FHIT: variants seen among roughly 807,000 people sequenced by gnomAD.
The protein encoded by FHIT is fragile histidine triad diadenosine triphosphatase.
Under a neutral mutation model 17.9 loss-of-function variants are expected in FHIT, and 19 were observed. That is an observed-to-expected ratio of 1.06 (90% CI 0.74 to 1.56). FHIT has a LOEUF of 1.56. FHIT is among the 40% of genes most tolerant of loss of function. The pLI, the probability that FHIT is intolerant of heterozygous loss-of-function variation, is 0.00. For synonymous variants in FHIT, 81 were observed against 69.7 expected (o/e 1.16, Z -0.81); for missense variants, 248 against 189.2 (o/e 1.31, Z -1.82).
chr3:60,416,914 G>A (rs1003118351), intron 5 of FHIT, among the ~76,000 whole-genome samples: 3 of 151,838 alleles, frequency 2.0e-5, no homozygotes, highest in African/African-American at 7.3e-5. Flanking sequence ...GTAAAACCCC[G>A]TCTCTACTAA....
intron 5 of FHIT, among the ~76,000 whole-genome samples, chr3:60,305,957 C>A (rs941731817): frequency 5.5e-4 from 83 of 152,158 alleles, no homozygotes; most frequent in African/African-American, 1.9e-3. Context: ...TACCTTAATT[C>A]TTAATGTTTA....
intron 5 of FHIT, among the ~76,000 whole-genome samples, chr3:60,116,257 AG>A (rs1353295248): frequency 6.6e-6 from 1 of 152,224 alleles, no homozygotes; most frequent in African/African-American, 2.4e-5. Flanking sequence ...AAACAAAAAA[AG>A]CATGAGAATT....
At chr3:60,922,139 G>A (rs1553768556) in intron 3 of FHIT, among the ~76,000 whole-genome samples, 1 of 152,152 alleles carries the variant, frequency 6.6e-6, no homozygotes, top group African/African-American at 2.4e-5. Flanking sequence ...CACCTGCCAT[G>A]GTGGGGTCTC....
chr3:60,065,784 C>A (rs1017538314), intron 5 of FHIT, among the ~76,000 whole-genome samples: 1 of 152,184 alleles, frequency 6.6e-6, no homozygotes, highest in Non-Finnish European at 1.5e-5. Flanking sequence ...CCATGGCCAA[C>A]TACTCATTCT....
intron 5 of FHIT, among the ~76,000 whole-genome samples, chr3:60,436,559 A>G (rs918243136): frequency 8.7e-6 from 1 of 115,364 alleles, no homozygotes; most frequent in Non-Finnish European, 2.2e-5. Flanking sequence ...TTCTTCACCA[A>G]TGTAAAGGAA....
intron 2 of FHIT, among the ~76,000 whole-genome samples, chr3:61,158,746 C>G (rs1438260804): frequency 6.6e-6 from 1 of 152,150 alleles, no homozygotes; most frequent in African/African-American, 2.4e-5. Flanking sequence ...CTACAAGAAC[C>G]CAAAGAATGA....
At chr3:60,599,293 G>A (rs1297170647) in intron 4 of FHIT, among the ~76,000 whole-genome samples, 1 of 152,130 alleles carries the variant, frequency 6.6e-6, no homozygotes, top group Non-Finnish European at 1.5e-5. Flanking sequence ...CTGCAGTCTA[G>A]AGAGATTAGG....
chr3:60,812,017 C>G (rs782234341), intron 4 of FHIT, among the ~76,000 whole-genome samples: 13 of 152,044 alleles, frequency 8.6e-5, no homozygotes, highest in African/African-American at 1.2e-4. Context: ...TCATTTATCC[C>G]TCCAAACTTC....
intron 8 of FHIT, among the ~76,000 whole-genome samples, chr3:59,852,974 A>C (rs918996887): frequency 6.6e-6 from 1 of 152,150 alleles, no homozygotes; most frequent in Non-Finnish European, 1.5e-5. Flanking sequence ...TAAGGATAAG[A>C]CTGCTATGAA....
At chr3:60,958,030 C>T (rs1709251421) in intron 3 of FHIT, among the ~76,000 whole-genome samples, 3 of 152,106 alleles carry the variant, frequency 2.0e-5, no homozygotes. Flanking sequence ...CTTTTGTACG[C>T]ACTTAAAAAT....
chr3:60,126,367 G>C (rs1408875868), intron 5 of FHIT, among the ~76,000 whole-genome samples: 1 of 152,164 alleles, frequency 6.6e-6, no homozygotes, highest in Non-Finnish European at 1.5e-5. Flanking sequence ...CCTCAGTTGA[G>C]TGTACCCTCT....
chr3:60,374,787 C>T (rs1002132430), intron 5 of FHIT, among the ~76,000 whole-genome samples: 5 of 152,052 alleles, frequency 3.3e-5, no homozygotes, highest in South Asian at 2.1e-4. Flanking sequence ...AACGTTGAGA[C>T]GTGATAATAG....
chr3:61,085,961 G>A (rs144247491), intron 2 of FHIT, among the ~76,000 whole-genome samples: 3 of 152,082 alleles, frequency 2.0e-5, no homozygotes, highest in East Asian at 1.9e-4. Flanking sequence ...GTTCTGGTAC[G>A]TAGAAATACA....
At chr3:60,496,579 C>G (rs2034308903) in intron 5 of FHIT, among the ~76,000 whole-genome samples, 1 of 152,278 alleles carries the variant, frequency 6.6e-6, no homozygotes, top group South Asian at 2.1e-4. Context: ...GACTATAGAA[C>G]TGCTCTCCAA....
At chr3:61,002,598 TC>T (rs2031170639) in intron 3 of FHIT, among the ~76,000 whole-genome samples, 1 of 151,930 alleles carries the variant, frequency 6.6e-6, no homozygotes, top group East Asian at 1.9e-4. Context: ...TTGATCAACA[TC>T]TCCCCATTCC....
chr3:60,857,521 T>A (rs1032430183), intron 3 of FHIT, among the ~76,000 whole-genome samples: 3 of 151,920 alleles, frequency 2.0e-5, no homozygotes, highest in African/African-American at 7.3e-5. Flanking sequence ...TTGTGAGGAT[T>A]AAATTAGATA....
intron 5 of FHIT, among the ~76,000 whole-genome samples, chr3:60,135,630 G>C (rs1157111211): frequency 1.4e-4 from 21 of 152,136 alleles, no homozygotes; most frequent in African/African-American, 2.4e-5. Flanking sequence ...GAAAGGAAAA[G>C]CAACTAACCC....
intron 4 of FHIT, among the ~76,000 whole-genome samples, chr3:60,739,502 C>A (rs1169572159): frequency 6.6e-6 from 1 of 152,202 alleles, no homozygotes; most frequent in East Asian, 1.9e-4. Flanking sequence ...ACCCCTGTCG[C>A]ATGCCCCATG....
chr3:60,219,482 G>T (rs1703858797), intron 5 of FHIT, among the ~76,000 whole-genome samples: 2 of 151,982 alleles, frequency 1.3e-5, no homozygotes, highest in Non-Finnish European at 2.9e-5. Flanking sequence ...TGAGTTATTG[G>T]GTCTGACATC....
Sources: gnomAD v4.1 joint callset for allele counts (sites outside exome capture counted in the v4.1 genomes callset) on GRCh38, gnomAD v4.1.1 for gene constraint, MANE v1.5 for transcripts, NCBI Gene and HGNC (gene_info 2026-07-23, HGNC 2026-07-21) for gene names.